The following RIMS2 variants were observed in gnomAD, a reference collection of about 807,000 sequenced individuals.
The protein encoded by RIMS2 is regulating synaptic membrane exocytosis protein 2.
Under a neutral mutation model 174.4 loss-of-function variants are expected in RIMS2, and 59 were observed. The ratio of observed to expected loss-of-function variants is 0.34; its 90% CI spans 0.27 to 0.42. The LOEUF (loss-of-function observed/expected upper bound fraction) is 0.42, where lower values mean the gene tolerates loss of function less well. RIMS2 is among the 10% of genes least tolerant of loss of function. The pLI, the probability that RIMS2 is intolerant of heterozygous loss-of-function variation, is 1.00. For missense variants in RIMS2, 1,620 were observed against 1,666.3 expected, an observed-to-expected ratio of 0.97 and a Z score of 0.48; for synonymous variants, 606 against 572.5, an observed-to-expected ratio of 1.06 and a Z score of -0.84.
At chr8:103,743,326 C>G (rs891584746) in intron 2 of RIMS2, among the ~76,000 whole-genome samples, 4 of 152,092 alleles carry the variant, frequency 2.6e-5, no homozygotes, top group Non-Finnish European at 4.4e-5. Flanking sequence ...TATTGGGAAA[C>G]TAAGTTAAGA....
At chr8:103,870,573 A>G (rs2099106530) in intron 3 of RIMS2, among the ~76,000 whole-genome samples, 1 of 151,900 alleles carries the variant, frequency 6.6e-6, no homozygotes, top group African/African-American at 2.4e-5. Context: ...TATTAAATAT[A>G]TTTATTTATT....
At chr8:103,845,393 G>A (rs937900261) in intron 3 of RIMS2, among the ~76,000 whole-genome samples, 5 of 152,100 alleles carry the variant, frequency 3.3e-5, no homozygotes, top group African/African-American at 1.2e-4. Context: ...GTTATTACTA[G>A]TGAAAACGAT....
intron 2 of RIMS2, among the ~76,000 whole-genome samples, chr8:103,717,138 CTTTTTTT>C (rs11373218): frequency 8.8e-6 from 1 of 113,106 alleles, no homozygotes; most frequent in African/African-American, 3.3e-5. Context: ...ATAGTGCCTT[CTTTTTTT>C]TTTTTTTTTT....
intron 6 of RIMS2, among the ~76,000 whole-genome samples, chr8:103,914,677 C>T (rs2076338170): frequency 6.6e-6 from 1 of 151,956 alleles, no homozygotes; most frequent in Non-Finnish European, 1.5e-5. Context: ...AAGATACACC[C>T]CGTGATTTTT....
intron 15 of RIMS2, among the ~76,000 whole-genome samples, chr8:103,971,020 T>TC (rs1487813002): frequency 9.2e-5 from 14 of 152,008 alleles, no homozygotes; most frequent in East Asian, 1.9e-4. Context: ...CATGGAGTTT[T>TC]CCCCCCCATA....
intron 19 of RIMS2, chr8:104,015,276 A>T (rs2095867813): frequency 2.2e-6 from 1 of 462,068 alleles, no homozygotes; most frequent in Non-Finnish European, 3.8e-6. Flanking sequence ...CAAATAATAC[A>T]TATAAGTTTA....
chr8:104,000,870 T>C (rs757803009), intron 17 of RIMS2, among the ~76,000 whole-genome samples: 3 of 151,962 alleles, frequency 2.0e-5, no homozygotes, highest in South Asian at 2.1e-4. Flanking sequence ...TTGAGAAATG[T>C]CTATTCAAAT....
Position 104,158,192 on chromosome 8 carries a change from C to T in RIMS2, c.3335-86724C>T, listed in dbSNP as rs534343444. Among the ~76,000 whole-genome samples the T allele has an allele frequency of 3.9e-5, 6 of 152,274 alleles. No homozygotes were observed. The South Asian group carries it at 1.0e-3, about 26-fold the overall frequency. On this transcript the variant is annotated intron_variant, in intron 19 of 23. Transcript: ENST00000504942. ...GATATTTTGCTGAGAATGATGGTTT[C>T]CAGCTTCATCCATGTCCCTGCGAAG... is the stretch of plus-strand genomic sequence containing the variant.
intron 1 of RIMS2, among the ~76,000 whole-genome samples, chr8:103,643,594 C>G (rs1462213899): frequency 1.3e-5 from 2 of 152,022 alleles, no homozygotes; most frequent in Non-Finnish European, 2.9e-5. Context: ...GTGTCAGAGG[C>G]TAAAATTTTT....
chr8:104,145,803 G>A (rs771403095), intron 19 of RIMS2, among the ~76,000 whole-genome samples: 1 of 151,878 alleles, frequency 6.6e-6, no homozygotes, highest in South Asian at 2.1e-4. Flanking sequence ...GAGAGATTGC[G>A]GTGAGCTAGA....
At chr8:104,155,538 C>A (rs977593650) in intron 19 of RIMS2, among the ~76,000 whole-genome samples, 1 of 150,748 alleles carries the variant, frequency 6.6e-6, no homozygotes, top group South Asian at 2.1e-4. Context: ...CTCAGCCTCC[C>A]GAGTAGCTGG....
intron 1 of RIMS2, among the ~76,000 whole-genome samples, chr8:103,600,778 T>A (rs1310695148): frequency 6.6e-6 from 1 of 152,182 alleles, no homozygotes; most frequent in Non-Finnish European, 1.5e-5. Flanking sequence ...TGGAAACTGT[T>A]CTCCATAGTG....
chr8:104,214,608 C>G (rs1197736822), intron 19 of RIMS2, among the ~76,000 whole-genome samples: 1 of 152,088 alleles, frequency 6.6e-6, no homozygotes, highest in African/African-American at 2.4e-5. Context: ...CCACCACACC[C>G]AGCTAATTTT....
intron 3 of RIMS2, chr8:103,819,250 A>T (rs767170386): frequency 8.2e-5 from 106 of 1,289,596 alleles, no homozygotes; most frequent in Non-Finnish European, 1.0e-4. Context: ...CAAAAAGCTT[A>T]CTGCTGTTTA....
intron 1 of RIMS2, among the ~76,000 whole-genome samples, chr8:103,586,605 A>G (rs1272994279): frequency 6.6e-6 from 1 of 152,160 alleles, no homozygotes; most frequent in Non-Finnish European, 1.5e-5. Flanking sequence ...AGCAGTGCTA[A>G]GAGGGAAATT....
intron 3 of RIMS2, among the ~76,000 whole-genome samples, chr8:103,791,534 A>G (rs1017786575): frequency 6.6e-6 from 1 of 152,142 alleles, no homozygotes; most frequent in African/African-American, 2.4e-5. Flanking sequence ...ATAACCAGCT[A>G]ACATCATAAT....
intron 1 of RIMS2, among the ~76,000 whole-genome samples, chr8:103,608,807 C>A (rs145999809): frequency 6.6e-6 from 1 of 152,216 alleles, no homozygotes; most frequent in Non-Finnish European, 1.5e-5. Flanking sequence ...CTCCCTGATC[C>A]GTTGCACTTC....
chr8:103,890,632 A>T (rs769059383), intron 4 of RIMS2, among the ~76,000 whole-genome samples: 1 of 151,792 alleles, frequency 6.6e-6, no homozygotes, highest in Non-Finnish European at 1.5e-5. Context: ...TCGCTTTCCC[A>T]TACTTTCTGT....
At chr8:103,652,172 A>C in intron 1 of RIMS2, 33 bp from the exon 2 acceptor site, 3 of 1,261,584 alleles carry the variant, frequency 2.4e-6, no homozygotes, top group Non-Finnish European at 3.2e-6. Context: ...TTCATAGTAC[A>C]GTGCACTCAG....
Sources: allele counts gnomAD v4.1 joint callset (sites outside exome capture counted in the v4.1 genomes callset), GRCh38; gene constraint gnomAD v4.1.1; transcripts MANE v1.5; gene names NCBI Gene and HGNC (gene_info 2026-07-23, HGNC 2026-07-21).